Variants in TINCR observed in about 807,000 individuals in gnomAD.
TINCR encodes TINCR-encoded ubiquitin-like protein.
intron 1 of TINCR, among the ~76,000 whole-genome samples, chr19:5,567,067 T>G (rs974426129): frequency 5.8e-5 from 8 of 138,242 alleles, no homozygotes; most frequent in South Asian, 2.4e-4. Context: ...GAGACCAAAA[T>G]GGAGAGAGAG....
exon 1 of TINCR, chr19:5,567,741 G>C: frequency 2.7e-6 from 1 of 372,842 alleles, no homozygotes; most frequent in Non-Finnish European, 4.8e-6. Flanking sequence ...TCGTCCAGCC[G>C]CCGCGCGTTG....
chr19:5,564,781 T>G (rs150949434), intron 1 of TINCR, among the ~76,000 whole-genome samples: 2,274 of 152,336 alleles, frequency 0.015, 32 homozygotes, highest in Non-Finnish European at 0.02. Flanking sequence ...TTTCGCCATG[T>G]TGGCCAGGCT....
intron 1 of TINCR, among the ~76,000 whole-genome samples, chr19:5,564,201 G>T (rs1190180519): frequency 3.3e-5 from 5 of 152,188 alleles, no homozygotes; most frequent in African/African-American, 4.8e-5. Context: ...TGGCAGGTTT[G>T]TCCCGAGCAG....
In TINCR at chr19:5,563,807, C is replaced by G. The variant is rs1172864393; in HGVS notation, c.261-858G>C. 6.6e-6 allele frequency among the ~76,000 whole-genome samples: 1 copy of G among 152,048 alleles called. No homozygotes were observed. Among genetic ancestry groups the G allele is most frequent in the Non-Finnish European group, 1.5e-5 (1 of 68,008 alleles). On this transcript the variant is annotated intron_variant, in intron 1 of 1. Transcript: ENST00000646160. The surrounding 1 kb of genome is among the most constrained non-coding windows in gnomAD (Gnocchi z 4.7). ...GCGGGCGCCTGTAATCCCAGCTACT[C>G]AGGAGACTGAGGCAGGAGAATCGCT...
Position 5,565,369 on chromosome 19 carries a change from C to G in TINCR, c.260+2296G>C, listed in dbSNP as rs971155244. Reference sequence around the variant, plus strand: ...TGATCCCTCTCCACCTTCCCTGCATCCCCCACAGCGCCAATTGCGAGTTGA... The same window carrying G: ...TGATCCCTCTCCACCTTCCCTGCATGCCCCACAGCGCCAATTGCGAGTTGA... On this transcript the variant is annotated intron_variant, in intron 1 of 1. Coordinates refer to ENST00000646160, the Ensembl canonical transcript of TINCR. This position sits in a 1 kb window ranked among gnomAD's most constrained non-coding sequence, Gnocchi z 4.0. 6.6e-6 allele frequency among the ~76,000 whole-genome samples: 1 copy of G among 152,178 alleles called. No individual in the cohort carries two copies. The highest frequency in any genetic ancestry group is 1.5e-5 in the Non-Finnish European group (1 of 68,038).
downstream of TINCR, chr19:5,559,173 C>T (rs2052087222): frequency 6.6e-6 from 1 of 152,196 alleles, no homozygotes; most frequent in Admixed American, 6.5e-5. Context: ...TCTCCCACCT[C>T]CACCCCCAGT....
At chr19:5,559,854 C>T (rs752205250), downstream of TINCR, 4 of 152,274 alleles carry the variant, frequency 2.6e-5, no homozygotes, top group South Asian at 2.1e-4. Flanking sequence ...GCCCAAACCA[C>T]GCATGAGCAG....
Position 5,562,936 on chromosome 19 carries a change from G to C in TINCR, c.274C>G (p.Leu92Val), listed in dbSNP as rs1275822241. 1.3e-5 allele frequency: 2 copies of C among 152,380 alleles called. No homozygotes were observed. The highest frequency in any genetic ancestry group is 4.8e-5 in the African/African-American group (2 of 41,408). The allele number at this position is 152,380 out of a possible 1,614,324, so 9.4% of individuals were successfully genotyped here. Residue 92 changes from leucine (L) to valine (V), a missense_variant, in exon 2 of 2, where the codon CTC (leucine) becomes GTC (valine). By Grantham distance (32) the Leu-to-Val change is conservative. Transcript: ENST00000646160. The surrounding 1 kb of genome is among the most constrained non-coding windows in gnomAD (Gnocchi z 4.4). ...CAAAGTGCTGGGATTGCGGGTGTGA[G>C]CCGCTGCGCCTCGCTGGAATGCAAT...
intron 1 of TINCR, 27 bp downstream of exon 1, chr19:5,567,638 C>A: frequency 2.8e-6 from 1 of 353,390 alleles, no homozygotes; most frequent in Non-Finnish European, 5.1e-6. Context: ...CGCCCCCGCC[C>A]CACCCCACCC....
intron 1 of TINCR, among the ~76,000 whole-genome samples, chr19:5,567,043 G>C (rs557939525): frequency 6.6e-6 from 1 of 151,684 alleles, no homozygotes; most frequent in South Asian, 2.1e-4. Context: ...GAGACACACA[G>C]AGAGGAAAAA....
chr19:5,559,175 A>AC (rs1178693980), downstream of TINCR: 1 of 152,074 alleles, frequency 6.6e-6, no homozygotes, highest in Non-Finnish European at 1.5e-5. Flanking sequence ...TCCCACCTCC[A>AC]CCCCCAGTGG....
chr19:5,558,853 C>T (rs1193092953), downstream of TINCR: 1 of 152,094 alleles, frequency 6.6e-6, no homozygotes, highest in Non-Finnish European at 1.5e-5. Flanking sequence ...TTATGTTTAT[C>T]TCAGGCCAGG....
intron 1 of TINCR, among the ~76,000 whole-genome samples, chr19:5,567,080 A>G (rs60466689): frequency 0.058 from 8,761 of 151,934 alleles, 274 homozygotes; most frequent in Middle Eastern, 0.096. Context: ...AGAGAGAGAC[A>G]GAGACAAAGA....
chr19:5,567,524 G>C (rs1159478469), intron 1 of TINCR, 141 bp downstream of exon 1: 3 of 366,212 alleles, frequency 8.2e-6, no homozygotes, highest in Non-Finnish European at 1.5e-5. Flanking sequence ...GGCCGGGTCA[G>C]GAGAGAGGCC....
rs2052114874 is a variant in TINCR, at chr19:5,563,983, G to A, written c.261-1034C>T. On this transcript the variant is annotated intron_variant, in intron 1 of 1. Coordinates refer to ENST00000646160, the Ensembl canonical transcript of TINCR. The surrounding 1 kb of genome is among the most constrained non-coding windows in gnomAD (Gnocchi z 4.7). ...GGACAGCGGTAAGGCCACGTGAAAA[G>A]CCCCTAGCATCTCAAAGGCTCTCAA... Among the ~76,000 whole-genome samples the A allele has an allele frequency of 6.6e-6, 1 of 152,184 alleles. No homozygotes were observed. Among genetic ancestry groups the A allele is most frequent in the Admixed American group, 6.5e-5 (1 of 15,270 alleles).
At chr19:5,566,615 GAC>G (rs1252493842) in intron 1 of TINCR, among the ~76,000 whole-genome samples, 1 of 151,618 alleles carries the variant, frequency 6.6e-6, no homozygotes, top group Admixed American at 6.6e-5. Context: ...AAACAGCAGA[GAC>G]AGAGACAAAT....
downstream of TINCR, among the ~76,000 whole-genome samples, chr19:5,562,458 C>T (rs192857226): frequency 1.6e-4 from 25 of 152,288 alleles, no homozygotes; most frequent in African/African-American, 5.5e-4. This position sits in a 1 kb window ranked among gnomAD's most constrained non-coding sequence, Gnocchi z 4.4. Context: ...ATCTCACTAA[C>T]ATTTATTAAG....
chr19:5,560,849 T>C (rs1196890725), downstream of TINCR: 1 of 152,814 alleles, frequency 6.5e-6, no homozygotes, highest in Non-Finnish European at 1.5e-5. This position sits in a 1 kb window ranked among gnomAD's most constrained non-coding sequence, Gnocchi z 4.5. Flanking sequence ...ATTGGAGAGT[T>C]CGGACACGAC....
downstream of TINCR, chr19:5,558,291 C>G (rs1015693777): frequency 1.3e-5 from 2 of 152,226 alleles, no homozygotes; most frequent in Non-Finnish European, 2.9e-5. Context: ...GAGACACAGA[C>G]CTCCCAGTTC....
Sources: gnomAD v4.1 joint callset for allele counts (sites outside exome capture counted in the v4.1 genomes callset) on GRCh38, gnomAD v4.1.1 for gene constraint, Gnocchi (gnomAD v3.1) non-coding constraint, MANE v1.5 for transcripts, NCBI Gene and HGNC (gene_info 2026-07-23, HGNC 2026-07-21) for gene names.